Variants in ADAMTS9 observed in about 807,000 individuals in gnomAD.
The protein encoded by ADAMTS9 is A disintegrin and metalloproteinase with thrombospondin motifs 9.
In ADAMTS9, 107 loss-of-function variants were observed where a neutral mutation model predicts 257.1. That is an observed-to-expected ratio of 0.42 (90% CI 0.36 to 0.49). The LOEUF is 0.49. ADAMTS9 is among the 20% of genes least tolerant of loss of function. The pLI is 0.03. For synonymous variants in ADAMTS9, 982 were observed against 880.9 expected, an observed-to-expected ratio of 1.11 and a Z score of -2.03; for missense variants, 2,353 against 2,469.1, an observed-to-expected ratio of 0.95 and a Z score of 1.00.
chr3:64,539,328 A>C, intron 36 of ADAMTS9, 34 bp from the exon 37 acceptor site: 2 of 1,573,090 alleles, frequency 1.3e-6, no homozygotes, highest in African/African-American at 2.7e-5. Flanking sequence ...AGGCAGGGGA[A>C]GGTAAGAGTG....
At chr3:64,538,925 C>T (rs2083086181) in intron 37 of ADAMTS9, among the ~76,000 whole-genome samples, 1 of 152,084 alleles carries the variant, frequency 6.6e-6, no homozygotes, top group Non-Finnish European at 1.5e-5. Context: ...TTTAACCAAG[C>T]CCTCGCTAAC....
rs974409649 is a variant in ADAMTS9, at chr3:64,602,166, A to G, written c.3795T>C (p.Cys1265=). Residue 1265 remains cysteine (C), a synonymous_variant, in exon 26 of 40, where the codon TGT becomes TGC. Transcript: ENST00000498707. ...CGATCACGTGGTCACTGTAGTTGAC[A>G]CACATCACTTGCCGGGTTGCCCTAC... is the stretch of plus-strand genomic sequence containing the variant. ...GQGRATRQVM[C]VNYSDHVIDR... is the part of the protein sequence containing the mutation. 6.2e-7 allele frequency: 1 copy of G among 1,614,072 alleles called. No homozygotes were observed. The highest frequency in any genetic ancestry group is 8.5e-7 in the Non-Finnish European group (1 of 1,179,974).
At chr3:64,648,226 C>A (rs1700844260) in intron 10 of ADAMTS9, among the ~76,000 whole-genome samples, 182 bp from the exon 11 acceptor site, 1 of 152,142 alleles carries the variant, frequency 6.6e-6, no homozygotes, top group Non-Finnish European at 1.5e-5. Context: ...ACATTTCTAT[C>A]CCTGGTAATG....
At chr3:64,619,792 C>T (rs1700059901) in intron 19 of ADAMTS9, among the ~76,000 whole-genome samples, 1 of 152,100 alleles carries the variant, frequency 6.6e-6, no homozygotes, top group African/African-American at 2.4e-5. Context: ...TCACCATTCT[C>T]AATTTATTAA....
intron 38 of ADAMTS9, among the ~76,000 whole-genome samples, chr3:64,527,065 T>A (rs1329271821): frequency 6.6e-6 from 1 of 152,152 alleles, no homozygotes; most frequent in African/African-American, 2.4e-5. Context: ...TTATTGATCC[T>A]AAAGAATAAA....
intron 28 of ADAMTS9, among the ~76,000 whole-genome samples, chr3:64,577,008 C>T (rs2083869238): frequency 6.6e-6 from 1 of 152,154 alleles, no homozygotes; most frequent in African/African-American, 2.4e-5. Flanking sequence ...CACAATGTAA[C>T]AACTTCATAT....
At chr3:64,667,548 G>C (rs893272185) in intron 3 of ADAMTS9, among the ~76,000 whole-genome samples, 2 of 152,156 alleles carry the variant, frequency 1.3e-5, no homozygotes, top group Admixed American at 1.3e-4. Flanking sequence ...GCAGTGGAAG[G>C]TGTCTGAGGG....
At position 64,596,816 on chromosome 3, in the gene ADAMTS9, T is replaced by C. The variant is rs770498725; in HGVS notation, c.4179+14A>G. On this transcript the variant is annotated intron_variant, in intron 27 of 39. Coordinates refer to ENST00000498707, the MANE Select transcript of ADAMTS9 (RefSeq NM_182920.2). The stretch of plus-strand genomic sequence containing the variant: ...CAATTCCTCTGTATTTATAGACGGA[T>C]AGTTCACTCTCACCTCTCCCCAGTT... 2 of 1,613,546 alleles carry C rather than the reference T, an allele frequency of 1.2e-6. No homozygotes were observed. The highest frequency in any genetic ancestry group is 1.6e-4 in the Middle Eastern group (1 of 6,070).
chr3:64,628,114 G>A (rs1700271748), intron 16 of ADAMTS9, among the ~76,000 whole-genome samples: 1 of 152,124 alleles, frequency 6.6e-6, no homozygotes, highest in African/African-American at 2.4e-5. Context: ...ACTTCCTTAT[G>A]CCAACAGGTG....
At chr3:64,679,413 G>T (rs1701699853) in intron 3 of ADAMTS9, among the ~76,000 whole-genome samples, 1 of 152,122 alleles carries the variant, frequency 6.6e-6, no homozygotes, top group African/African-American at 2.4e-5. Context: ...GTAAATCTCA[G>T]CTCCTTTTCC....
chr3:64,561,824 C>CA (rs940305058), intron 29 of ADAMTS9, 73 bp from the exon 30 acceptor site: 5 of 1,383,766 alleles, frequency 3.6e-6, no homozygotes, highest in Admixed American at 1.9e-5. Context: ...TGTCGAGGGT[C>CA]ACAGAGGAGG....
At chr3:64,601,693 T>C (rs753219338) in intron 26 of ADAMTS9, among the ~76,000 whole-genome samples, 8 of 152,264 alleles carry the variant, frequency 5.3e-5, no homozygotes, top group Middle Eastern at 3.4e-3. Flanking sequence ...CAGGAGGCCA[T>C]GTGATCATAT....
At chr3:64,559,270 G>A (rs1440770114) in intron 30 of ADAMTS9, among the ~76,000 whole-genome samples, 2 of 152,186 alleles carry the variant, frequency 1.3e-5, no homozygotes, top group Non-Finnish European at 2.9e-5. Flanking sequence ...GGCCTTGCAT[G>A]TATGGGAAAC....
At position 64,551,055 on chromosome 3, in the gene ADAMTS9, T is replaced by C. The variant is rs1278746209; in HGVS notation, c.4706A>G (p.Lys1569Arg). ...WRAEEWQECT[K>R]TCGEGSRYRK... is the part of the protein sequence containing the mutation. ...GTACCTGGAGCCTTCGCCGCAGGTC[T>C]TGGTGCACTGTTAAATACAAGCAAA... Residue 1569 changes from lysine to arginine, a missense_variant, in exon 31 of 40, where the codon AAG becomes AGG. By Grantham distance (26) the Lys-to-Arg change is conservative (BLOSUM62 2). Around this residue, in one of 3 missense-constraint regions of ADAMTS9, gnomAD observed 1,402 missense variants for 1,441.4 expected, o/e 0.97. Coordinates refer to ENST00000498707, the MANE Select transcript of ADAMTS9 (RefSeq NM_182920.2). 1 of 1,614,122 alleles carries C rather than the reference T, an allele frequency of 6.2e-7. No homozygotes were observed. Among genetic ancestry groups the C allele is most frequent in the Admixed American group, 1.7e-5 (1 of 60,020 alleles).
chr3:64,593,262 T>G (rs1377880468), intron 28 of ADAMTS9, among the ~76,000 whole-genome samples: 1 of 152,190 alleles, frequency 6.6e-6, no homozygotes, highest in East Asian at 1.9e-4. Flanking sequence ...CCTTGACTCT[T>G]AGAAATGTCA....
chr3:64,658,134 C>A (rs1053145628), intron 4 of ADAMTS9, among the ~76,000 whole-genome samples: 5 of 152,128 alleles, frequency 3.3e-5, no homozygotes, highest in African/African-American at 9.7e-5. Context: ...CCACAGGCAG[C>A]GTCCAAGTGA....
intron 11 of ADAMTS9, among the ~76,000 whole-genome samples, chr3:64,645,677 G>A (rs932808674): frequency 2.0e-5 from 3 of 152,064 alleles, no homozygotes; most frequent in African/African-American, 7.2e-5. Flanking sequence ...TTTAATAAAA[G>A]CTGCTAGACA....
intron 19 of ADAMTS9, among the ~76,000 whole-genome samples, chr3:64,619,860 T>A (rs905422170): frequency 7.2e-5 from 11 of 152,160 alleles, no homozygotes; most frequent in Non-Finnish European, 1.6e-4. Context: ...CTGTAGTGAT[T>A]AATTCAGTTT....
At chr3:64,522,952 CA>C (rs769376742) in intron 38 of ADAMTS9, among the ~76,000 whole-genome samples, 69 of 152,118 alleles carry the variant, frequency 4.5e-4, no homozygotes, top group Non-Finnish European at 8.2e-4. Context: ...TATATATCAT[CA>C]CCAAACTAAA....
Sources: gnomAD v4.1 joint callset for allele counts (sites outside exome capture counted in the v4.1 genomes callset) on GRCh38, gnomAD v4.1.1 for gene constraint, gnomAD v4.1.1 regional missense constraint, MANE v1.5 for transcripts, NCBI Gene and HGNC (gene_info 2026-07-23, HGNC 2026-07-21) for gene names.